EIF4ENIF1: variants seen among roughly 807,000 people sequenced by gnomAD.
The protein encoded by EIF4ENIF1 is eukaryotic translation initiation factor 4E nuclear import factor 1, also known as eukaryotic translation initiation factor 4E transporter.
A neutral mutation model predicts 110.5 loss-of-function variants in EIF4ENIF1; 23 were observed. The ratio of observed to expected loss-of-function variants is 0.21; its 90% CI spans 0.15 to 0.29. EIF4ENIF1 has a LOEUF of 0.29. Among genes scored for constraint, EIF4ENIF1 ranks in the 10% least tolerant of loss-of-function variants. The pLI, the probability that EIF4ENIF1 is intolerant of heterozygous loss-of-function variation, is 1.00. For synonymous variants in EIF4ENIF1, 440 were observed against 437.0 expected (o/e 1.01, Z -0.09); for missense variants, 1,031 against 1,221.1 (o/e 0.84, Z 2.32).
At chr22:31,458,400 A>C (rs185059973) in intron 7 of EIF4ENIF1, 75 bp downstream of exon 7, 6 of 1,303,018 alleles carry the variant, frequency 4.6e-6, no homozygotes. Context: ...TAGCAAAACA[A>C]CACTTTCAAA....
rs1304121964 is a variant in EIF4ENIF1, at chr22:31,464,699, A to AAAAAAAT, written c.299-733_299-732insATTTTTT. Among the ~76,000 whole-genome samples the AAAAAAAT allele has an allele frequency of 5.6e-4, 22 of 39,104 alleles. 2 individuals are homozygous for AAAAAAAT. In the East Asian group the frequency reaches 8.2e-3, roughly 15 times the overall value. The allele number at this position is 39,104 out of a possible 152,430, so 25.7% of individuals were successfully genotyped here. On this transcript the variant is annotated intron_variant, in intron 4 of 18. Transcript: ENST00000330125. ...TCAAAAAAAAAAAAAAAAAAAAAAA[A>AAAAAAAT]ATATATATATATATATATATATATA...
chr22:31,442,544 T>A (rs1355922936), intron 16 of EIF4ENIF1, among the ~76,000 whole-genome samples: 1 of 152,128 alleles, frequency 6.6e-6, no homozygotes, highest in Non-Finnish European at 1.5e-5. Context: ...TCCTTCACAA[T>A]CCCTACTGTG....
Position 31,474,384 on chromosome 22 carries a change from T to G in EIF4ENIF1, c.97-2467A>C, listed in dbSNP as rs576779810. Among the ~76,000 whole-genome samples, 10 of 152,244 alleles carry G rather than the reference T, an allele frequency of 6.6e-5. No individual in the cohort carries two copies. In the South Asian group the frequency reaches 1.5e-3, roughly 22 times the overall value. ...CTGACTCCTGGTTTTTCTGTTGGTC[T>G]ATAACTCATTAATGTCCTCAATTAT... On this transcript the variant is annotated intron_variant, in intron 2 of 18. Transcript: ENST00000330125.
intron 2 of EIF4ENIF1, among the ~76,000 whole-genome samples, chr22:31,474,196 T>C (rs992048204): frequency 2.0e-5 from 3 of 152,102 alleles, no homozygotes; most frequent in Non-Finnish European, 4.4e-5. Context: ...TAGCTGGGAC[T>C]ACAGGCATGC....
At position 31,447,444 on chromosome 22, in the gene EIF4ENIF1, C is replaced by T. The variant is rs745759779; in HGVS notation, c.1970G>A (p.Arg657Lys). The T allele has an allele frequency of 1.2e-6, 2 of 1,612,622 alleles. No individual in the cohort carries two copies. The highest frequency in any genetic ancestry group is 2.7e-5 in the African/African-American group (2 of 75,002). ...GFGKPQVDRT[R>K]DGFRNRQQRV... ...AATTTACCTGTTTCTGAATCCATCT[C>T]TGGTTCTGTCCACCTGTGGTTTGCC... is the stretch of plus-strand genomic sequence containing the variant. The change falls in exon 14 of 19, where the codon AGA becomes AAA. Residue 657 changes from arginine (R) to lysine (K), a missense_variant. Physicochemically the swap from Arg to Lys is conservative, Grantham distance 26 (BLOSUM62 2). Around this residue, in one of 3 missense-constraint regions of EIF4ENIF1, gnomAD observed 704 missense variants for 879.7 expected, o/e 0.80. Transcript: ENST00000330125.
At chr22:31,482,073 A>T (rs995076547) in intron 2 of EIF4ENIF1, among the ~76,000 whole-genome samples, 5 of 151,254 alleles carry the variant, frequency 3.3e-5, no homozygotes, top group African/African-American at 1.2e-4. Context: ...CAGGAGGCTG[A>T]GGTGGAAGGA....
chr22:31,452,534 G>A (rs897817552), intron 10 of EIF4ENIF1, among the ~76,000 whole-genome samples: 1 of 152,132 alleles, frequency 6.6e-6, no homozygotes. Flanking sequence ...AATCATATCT[G>A]CAATAAAATG....
intron 5 of EIF4ENIF1, among the ~76,000 whole-genome samples, chr22:31,463,414 C>T (rs547775779): frequency 7.2e-5 from 11 of 152,192 alleles, no homozygotes; most frequent in Non-Finnish European, 1.5e-4. Flanking sequence ...TGTGGTGGCT[C>T]ACGCCTGTAA....
chr22:31,461,113 G>A (rs1036363865), intron 6 of EIF4ENIF1, among the ~76,000 whole-genome samples: 1 of 152,188 alleles, frequency 6.6e-6, no homozygotes, highest in African/African-American at 2.4e-5. Flanking sequence ...AATGCTAAAG[G>A]TAACCCTTAA....
intron 10 of EIF4ENIF1, among the ~76,000 whole-genome samples, chr22:31,452,311 C>T (rs2050697866): frequency 6.6e-6 from 1 of 152,220 alleles, no homozygotes; most frequent in Admixed American, 6.5e-5. Context: ...ACCTGCTATT[C>T]TTACTCCATT....
intron 3 of EIF4ENIF1, 25 bp downstream of exon 3, chr22:31,471,819 T>C (rs760199694): frequency 1.3e-6 from 2 of 1,574,038 alleles, no homozygotes; most frequent in South Asian, 2.4e-5. Context: ...CTAGAAGTAG[T>C]TAAGGACTAG....
chr22:31,457,546 A>G lies in EIF4ENIF1; in HGVS notation c.963+929T>C, dbSNP rs73160629. On this transcript the variant is annotated intron_variant, in intron 7 of 18. Transcript: ENST00000330125. ...AACATGCTTTTTCAAAAACTGGTAC[A>G]TGGATGACAGAATTAGTGACTGTTT... Among the ~76,000 whole-genome samples, 542 of 152,348 alleles carry G rather than the reference A, an allele frequency of 3.6e-3. 2 individuals are homozygous for G. The highest frequency in any genetic ancestry group is 5.1e-3 in the Non-Finnish European group (349 of 68,034).
chr22:31,442,648 A>G (rs190957364), intron 16 of EIF4ENIF1, among the ~76,000 whole-genome samples: 1 of 152,322 alleles, frequency 6.6e-6, no homozygotes, highest in East Asian at 1.9e-4. Flanking sequence ...TCGCTGAATT[A>G]TATTAATTTG....
chr22:31,491,132 C>A (rs2052266715), upstream of EIF4ENIF1, among the ~76,000 whole-genome samples: 1 of 152,138 alleles, frequency 6.6e-6, no homozygotes, highest in African/African-American at 2.4e-5. Context: ...TCTATTGATT[C>A]TTAGTTTTAC....
intron 4 of EIF4ENIF1, among the ~76,000 whole-genome samples, chr22:31,467,855 C>T (rs772092310): frequency 1.3e-5 from 2 of 152,038 alleles, no homozygotes; most frequent in Admixed American, 1.3e-4. Flanking sequence ...GGACTGGTCT[C>T]ACATATGAAA....
upstream of EIF4ENIF1, among the ~76,000 whole-genome samples, chr22:31,490,222 G>A (rs1055402609): frequency 1.3e-5 from 2 of 152,250 alleles, no homozygotes; most frequent in African/African-American, 2.4e-5. Context: ...GGCTAGATGG[G>A]GCTGGGCTGG....
chr22:31,472,955 T>C (rs2051435889), intron 2 of EIF4ENIF1, among the ~76,000 whole-genome samples: 1 of 152,146 alleles, frequency 6.6e-6, no homozygotes, highest in Non-Finnish European at 1.5e-5. Flanking sequence ...AACCAACCTC[T>C]TTGTATTCTG....
At chr22:31,437,450 T>TCCCCCCCCCCCCCCCCCCC (rs368145036), downstream of EIF4ENIF1, 3 of 125,012 alleles carry the variant, frequency 2.4e-5, no homozygotes, top group Admixed American at 8.3e-5. Flanking sequence ...TTTGCCTTCA[T>TCCCCCCCCCCCCCCCCCCC]CCCCCCCCCA....
In EIF4ENIF1 at chr22:31,440,813, G is replaced by A. The variant is rs150049620; in HGVS notation, c.2607C>T (p.Ile869=). 964 of 1,613,970 alleles carry A rather than the reference G, an allele frequency of 6.0e-4. 10 individuals are homozygous for A. Among genetic ancestry groups the A allele is most frequent in the African/African-American group, 5.0e-3 (374 of 75,040 alleles). The stretch of plus-strand genomic sequence containing the variant: ...GTAAAGGGTAAAAGGGCTGACCCAG[G>A]ATGGGGCCAGATATTCCCTGTAAAT... ...LSHLQGISGP[I]LGQPFYPLPA... is the part of the protein sequence containing the mutation. The change falls in exon 18 of 19, where the codon ATC becomes ATT. Residue 869 remains isoleucine, a synonymous_variant. Coordinates refer to ENST00000330125, the MANE Select transcript of EIF4ENIF1 (RefSeq NM_019843.4).
Sources: gnomAD v4.1 joint callset for allele counts (sites outside exome capture counted in the v4.1 genomes callset) on GRCh38, gnomAD v4.1.1 for gene constraint, gnomAD v4.1.1 regional missense constraint, MANE v1.5 for transcripts, NCBI Gene and HGNC (gene_info 2026-07-23, HGNC 2026-07-21) for gene names.